KLHL18: variants seen among roughly 807,000 people sequenced by gnomAD.
KLHL18 encodes kelch-like protein 18.
In KLHL18, 38 loss-of-function variants were observed where a neutral mutation model predicts 58.5. The observed-to-expected ratio is 0.65, with a 90% CI of 0.50 to 0.85. The LOEUF (loss-of-function observed/expected upper bound fraction) is 0.85, where lower values mean the gene tolerates loss of function less well. KLHL18 is among the 40% of genes least tolerant of loss of function. KLHL18 has a pLI of 0.00. For synonymous variants in KLHL18, 303 were observed against 301.9 expected (o/e 1.00, Z -0.04); for missense variants, 624 against 778.4 (o/e 0.80, Z 2.36).
chr3:47,321,011 G>A (rs938908838), intron 2 of KLHL18, among the ~76,000 whole-genome samples: 2 of 152,212 alleles, frequency 1.3e-5, no homozygotes, highest in African/African-American at 2.4e-5. Flanking sequence ...TCTCTGAGGT[G>A]TGTGTCTGAA....
In KLHL18 at chr3:47,286,821, G is replaced by T. The variant is rs1384069224; in HGVS notation, c.129+3727G>T. On this transcript the variant is annotated intron_variant, in intron 1 of 9. Transcript: ENST00000232766. Reference sequence around the variant, plus strand: ...GGAGCCTTATGGTAGGAGAGGTCTGGAGGTTCTCCCTTCTGTATGCAGACT... The same window carrying T: ...GGAGCCTTATGGTAGGAGAGGTCTGTAGGTTCTCCCTTCTGTATGCAGACT... Among the ~76,000 whole-genome samples the T allele has an allele frequency of 2.0e-5, 3 of 152,300 alleles. No homozygotes were observed. The East Asian group carries it at 5.8e-4, about 29-fold the overall frequency.
rs938200219 is a variant in KLHL18, at chr3:47,300,175, C to G, written c.129+17081C>G. 9.9e-5 allele frequency among the ~76,000 whole-genome samples: 15 copies of G among 150,916 alleles called. No individual in the cohort carries two copies. The Admixed American group carries it at 1.0e-3, about 10-fold the overall frequency. On this transcript the variant is annotated intron_variant, in intron 1 of 9. Transcript: ENST00000232766. ...TCTCCACTCTTATCCCTCACCTTCT[C>G]TCTCTCCCCACCTCCTTCTTTTCCT...
intron 1 of KLHL18, chr3:47,297,684 C>G (rs1334779322): frequency 4.9e-5 from 22 of 448,482 alleles, no homozygotes; most frequent in Non-Finnish European, 9.8e-5. Context: ...TAAAATTCAT[C>G]AGAAATTTTG....
intron 3 of KLHL18, among the ~76,000 whole-genome samples, chr3:47,324,431 A>G (rs917195864): frequency 2.9e-4 from 44 of 150,514 alleles, no homozygotes; most frequent in African/African-American, 5.8e-4. Flanking sequence ...CGAGCCTCGA[A>G]TCTTCACCAA....
intron 1 of KLHL18, among the ~76,000 whole-genome samples, chr3:47,310,806 G>A (rs1703280319): frequency 6.6e-6 from 1 of 152,162 alleles, no homozygotes; most frequent in South Asian, 2.1e-4. Context: ...TCTAAGGTCA[G>A]CATCTTTCCT....
Position 47,336,596 on chromosome 3 carries a change from T to C in KLHL18, c.960T>C (p.Arg320=). 1.9e-6 allele frequency: 3 copies of C among 1,614,188 alleles called. No individual in the cohort carries two copies. The highest frequency in any genetic ancestry group is 2.5e-6 in the Non-Finnish European group (3 of 1,180,038). ...TTGCCAATTGCTGGGAGAGATGCCGTCCCATGACAACAGCCCGCAGCCGCG... is the reference window on the plus strand; with the variant it reads ...TTGCCAATTGCTGGGAGAGATGCCGCCCCATGACAACAGCCCGCAGCCGCG... ...DPIANCWERC[R]PMTTARSRVG... is the part of the protein sequence containing the mutation. The change falls in exon 7 of 10, where the codon CGT becomes CGC. Residue 320 remains arginine, a synonymous_variant. Transcript: ENST00000232766.
intron 1 of KLHL18, among the ~76,000 whole-genome samples, chr3:47,317,978 C>T (rs554427354): frequency 1.3e-5 from 2 of 152,296 alleles, no homozygotes; most frequent in Admixed American, 1.3e-4. Context: ...AAGCGACTCT[C>T]CTGCCCCAGT....
chr3:47,310,107 G>C (rs961389211), intron 1 of KLHL18, among the ~76,000 whole-genome samples: 1 of 152,172 alleles, frequency 6.6e-6, no homozygotes, highest in Non-Finnish European at 1.5e-5. Flanking sequence ...ATCTACTCTG[G>C]GTATATCTTT....
At chr3:47,286,829 C>T (rs143224958) in intron 1 of KLHL18, among the ~76,000 whole-genome samples, 5 of 152,310 alleles carry the variant, frequency 3.3e-5, no homozygotes, top group African/African-American at 1.2e-4. Context: ...TGGAGGTTCT[C>T]CCTTCTGTAT....
At chr3:47,319,915 A>T in intron 2 of KLHL18, 132 bp downstream of exon 2, 1 of 976,176 alleles carries the variant, frequency 1.0e-6, no homozygotes, top group Non-Finnish European at 1.5e-6. Context: ...ATAAGTGATT[A>T]ATAAGCAGAT....
At chr3:47,317,857 C>T (rs1024424387) in intron 1 of KLHL18, among the ~76,000 whole-genome samples, 2 of 152,172 alleles carry the variant, frequency 1.3e-5, no homozygotes, top group Admixed American at 6.5e-5. Flanking sequence ...TATCTTTTGC[C>T]GCATAACAAA....
At chr3:47,335,425 G>A (rs1703962695) in intron 6 of KLHL18, among the ~76,000 whole-genome samples, 1 of 152,220 alleles carries the variant, frequency 6.6e-6, no homozygotes, top group Non-Finnish European at 1.5e-5. Flanking sequence ...GAATCTAAGA[G>A]TAAGGTTTTC....
chr3:47,294,645 C>A (rs1231233011), intron 1 of KLHL18, among the ~76,000 whole-genome samples: 4 of 149,044 alleles, frequency 2.7e-5, no homozygotes, highest in Non-Finnish European at 5.9e-5. Flanking sequence ...AGAGAAGTAG[C>A]CACCCAGCCC....
Position 47,344,006 on chromosome 3 carries a change from A to G in KLHL18, c.*65A>G. ...GACATAGGCGCTTCCTTCCAGGAAC[A>G]GTCCCTCAGGAGAGGCAGTGGACCA... On this transcript the variant is annotated 3_prime_UTR_variant, in exon 10 of 10. Coordinates refer to ENST00000232766, the MANE Select transcript of KLHL18 (RefSeq NM_025010.5). The G allele has an allele frequency of 1.3e-6, 2 of 1,575,416 alleles. No homozygotes were observed. Among genetic ancestry groups the G allele is most frequent in the East Asian group, 2.2e-5 (1 of 44,652 alleles).
rs149752175 is a variant in KLHL18 at position 47,343,557 on chromosome 3, G to A, written c.1341G>A (p.Val447=). ...CTGTGCCTCTCTCCCCACTGCAGGTGGAACACTACAACCACCACACAGCCA... is the reference window on the plus strand; with the variant it reads ...CTGTGCCTCTCTCCCCACTGCAGGTAGAACACTACAACCACCACACAGCCA... ...GHDGLQIFSS[V]EHYNHHTATW... is the part of the protein sequence containing the mutation. The change falls in exon 10 of 10, where the codon GTG becomes GTA. Residue 447 remains valine (V), a splice_region_variant and synonymous_variant. Transcript: ENST00000232766. The A allele has an allele frequency of 4.3e-6, 7 of 1,613,218 alleles. No individual in the cohort carries two copies. Among genetic ancestry groups the A allele is most frequent in the African/African-American group, 1.3e-5 (1 of 75,040 alleles).
Position 47,343,925 on chromosome 3 carries a change from C to T in KLHL18, c.1709C>T (p.Pro570Leu), listed in dbSNP as rs774035225. Residue 570 changes from proline (P) to leucine (L), a missense_variant, in exon 10 of 10, where the codon CCT becomes CTT. Pro to Leu is a moderately conservative substitution (Grantham distance 98). Coordinates refer to ENST00000232766, the MANE Select transcript of KLHL18 (RefSeq NM_025010.5). ...HEGGVGVGCI[P>L]LLTI The stretch of plus-strand genomic sequence containing the variant: ...GGAGGGGTCGGTGTGGGCTGCATCC[C>T]TCTCCTCACCATCTAAGGCAGAGGA... 1 of 1,613,732 alleles carries T rather than the reference C, an allele frequency of 6.2e-7. No individual in the cohort carries two copies. Among genetic ancestry groups the T allele is most frequent in the Non-Finnish European group, 8.5e-7 (1 of 1,179,996 alleles).
At chr3:47,293,862 T>C (rs911358114) in intron 1 of KLHL18, among the ~76,000 whole-genome samples, 1 of 152,228 alleles carries the variant, frequency 6.6e-6, no homozygotes, top group Non-Finnish European at 1.5e-5. Flanking sequence ...TCGTGCACAG[T>C]TGAAACTCTG....
At chr3:47,333,649 C>G (rs554474004) in intron 5 of KLHL18, among the ~76,000 whole-genome samples, 158 of 152,354 alleles carry the variant, frequency 1.0e-3, no homozygotes, top group Non-Finnish European at 1.7e-3. Flanking sequence ...CCTGTCCACA[C>G]CAGCAGCTCA....
intron 1 of KLHL18, among the ~76,000 whole-genome samples, chr3:47,284,020 T>C (rs1233193119): frequency 6.6e-6 from 1 of 151,948 alleles, no homozygotes; most frequent in Non-Finnish European, 1.5e-5. Context: ...ATCACTTGAG[T>C]GGGGGAATTG....
Sources: allele counts gnomAD v4.1 joint callset (sites outside exome capture counted in the v4.1 genomes callset), GRCh38; gene constraint gnomAD v4.1.1; transcripts MANE v1.5; gene names NCBI Gene and HGNC (gene_info 2026-07-23, HGNC 2026-07-21).